RGS7: variants seen among roughly 807,000 people sequenced by gnomAD.
RGS7 encodes the protein regulator of G protein signaling 7.
A neutral mutation model predicts 81.1 loss-of-function variants in RGS7; 27 were observed. The ratio of observed to expected loss-of-function variants is 0.33; its 90% CI spans 0.25 to 0.46. RGS7 has a LOEUF of 0.46. RGS7 is among the 20% of genes least tolerant of loss of function. RGS7 has a pLI of 1.00. For synonymous variants in RGS7, 208 were observed against 207.7 expected, an observed-to-expected ratio of 1.00 and a Z score of -0.01; for missense variants, 396 against 607.4, an observed-to-expected ratio of 0.65 and a Z score of 3.66.
intron 9 of RGS7, among the ~76,000 whole-genome samples, chr1:240,841,094 T>G (rs1657883849): frequency 1.3e-5 from 2 of 152,138 alleles, no homozygotes. Context: ...AAAGAAACAT[T>G]TCTAGTGCAG....
At chr1:241,282,052 A>C (rs754642166) in intron 2 of RGS7, among the ~76,000 whole-genome samples, 7 of 152,148 alleles carry the variant, frequency 4.6e-5, no homozygotes, top group African/African-American at 7.2e-5. Flanking sequence ...TCGATAAATT[A>C]TGTGTGCTGA....
At chr1:241,159,934 A>G (rs1477363942) in intron 2 of RGS7, among the ~76,000 whole-genome samples, 2 of 151,928 alleles carry the variant, frequency 1.3e-5, no homozygotes, top group Non-Finnish European at 2.9e-5. Flanking sequence ...AGCACTTACA[A>G]CTTTATATTA....
intron 2 of RGS7, among the ~76,000 whole-genome samples, chr1:241,130,488 T>C (rs7550998): frequency 0.12 from 17,825 of 152,060 alleles, 3,449 homozygotes; most frequent in African/African-American, 0.4. Flanking sequence ...CTTGGCAACA[T>C]TTGAGGAAGT....
chr1:240,885,902 A>G (rs1291960822), intron 6 of RGS7, among the ~76,000 whole-genome samples: 1 of 152,232 alleles, frequency 6.6e-6, no homozygotes, highest in Non-Finnish European at 1.5e-5. Flanking sequence ...AACCTAAGAT[A>G]AAAGTTTTAA....
rs1572201985 is a variant in RGS7, at chr1:240,812,059, C to G, written c.957-16G>C. On this transcript the variant is annotated splice_polypyrimidine_tract_variant and intron_variant, in intron 13 of 18. Transcript: ENST00000440928. ...CGGTTCTTTGCTATAGAAGATAAAA[C>G]AAAGGCAAATACATTCCTTTCATTA... is the stretch of plus-strand genomic sequence containing the variant. The G allele has an allele frequency of 1.2e-6, 2 of 1,614,046 alleles. No homozygotes were observed. Among genetic ancestry groups the G allele is most frequent in the East Asian group, 4.5e-5 (2 of 44,864 alleles).
chr1:240,909,802 C>T (rs953117456), intron 6 of RGS7, among the ~76,000 whole-genome samples: 2 of 152,166 alleles, frequency 1.3e-5, no homozygotes, highest in Non-Finnish European at 2.9e-5. Context: ...TGAGGCTTTC[C>T]TGTTCTGGGT....
At chr1:241,024,965 T>C (rs1306450478) in intron 3 of RGS7, among the ~76,000 whole-genome samples, 1 of 152,218 alleles carries the variant, frequency 6.6e-6, no homozygotes, top group Non-Finnish European at 1.5e-5. Context: ...CTACTAATTT[T>C]AGAAACTTTC....
intron 3 of RGS7, among the ~76,000 whole-genome samples, chr1:241,075,328 C>T (rs1005245069): frequency 6.6e-6 from 1 of 152,032 alleles, no homozygotes; most frequent in Admixed American, 6.6e-5. Flanking sequence ...AGAAATAGGT[C>T]GAGCAACAAA....
At chr1:241,016,258 G>A (rs953048550) in intron 3 of RGS7, among the ~76,000 whole-genome samples, 6 of 152,108 alleles carry the variant, frequency 3.9e-5, no homozygotes, top group African/African-American at 9.7e-5. Flanking sequence ...GGTGGCTCAC[G>A]CCTGTAATCC....
At chr1:241,018,910 G>T (rs915062271) in intron 3 of RGS7, among the ~76,000 whole-genome samples, 9 of 152,086 alleles carry the variant, frequency 5.9e-5, no homozygotes, top group Non-Finnish European at 1.3e-4. Context: ...CACAAGCTGG[G>T]ATAAGGTTTC....
intron 2 of RGS7, among the ~76,000 whole-genome samples, chr1:241,315,955 CTG>C (rs773509869): frequency 5.3e-5 from 8 of 152,172 alleles, no homozygotes; most frequent in Non-Finnish European, 1.2e-4. Flanking sequence ...TTTGAGATGA[CTG>C]TGTGATTTTT....
chr1:240,827,234 A>G, intron 9 of RGS7, 62 bp from the exon 10 acceptor site: 1 of 1,298,686 alleles, frequency 7.7e-7, no homozygotes, highest in South Asian at 1.2e-5. Context: ...GACCAGGACA[A>G]TCATGAATGG....
intron 2 of RGS7, among the ~76,000 whole-genome samples, chr1:241,141,774 C>A (rs1039276367): frequency 3.3e-5 from 5 of 152,146 alleles, no homozygotes. Context: ...TATCATTATG[C>A]CCCTGGCCCC....
chr1:240,833,391 C>T (rs1489428551), intron 9 of RGS7, among the ~76,000 whole-genome samples: 2 of 152,162 alleles, frequency 1.3e-5, no homozygotes, highest in Non-Finnish European at 2.9e-5. Context: ...TTTTGGACTG[C>T]AGTTGACTGT....
At chr1:241,014,987 C>T (rs491984) in intron 3 of RGS7, among the ~76,000 whole-genome samples, 31,946 of 152,126 alleles carry the variant, frequency 0.21, 3,550 homozygotes, top group Middle Eastern at 0.3. Flanking sequence ...AGGGAAATAG[C>T]GTGAGGTAAC....
intron 9 of RGS7, among the ~76,000 whole-genome samples, chr1:240,834,660 G>C (rs968028774): frequency 6.6e-6 from 1 of 151,946 alleles, no homozygotes; most frequent in Non-Finnish European, 1.5e-5. Context: ...ACAGGTGTCC[G>C]CCACCACGCC....
intron 2 of RGS7, among the ~76,000 whole-genome samples, chr1:241,103,742 C>G (rs1015701370): frequency 8.6e-5 from 13 of 152,034 alleles, no homozygotes; most frequent in African/African-American, 3.1e-4. Context: ...GGCATGGTGG[C>G]AAGCACCTGT....
At chr1:241,138,171 C>CAAAA (rs1371688780) in intron 2 of RGS7, among the ~76,000 whole-genome samples, 1 of 56,646 alleles carries the variant, frequency 1.8e-5, no homozygotes, top group African/African-American at 1.4e-4. Context: ...GACTCCATCT[C>CAAAA]AAAAACAAAA....
chr1:240,933,867 T>C (rs1260124350), intron 5 of RGS7, among the ~76,000 whole-genome samples: 1 of 152,044 alleles, frequency 6.6e-6, no homozygotes. Flanking sequence ...GATTAAGACA[T>C]GTACTACAAA....
Sources: allele counts gnomAD v4.1 joint callset (sites outside exome capture counted in the v4.1 genomes callset), GRCh38; gene constraint gnomAD v4.1.1; transcripts MANE v1.5; gene names NCBI Gene and HGNC (gene_info 2026-07-23, HGNC 2026-07-21).